SS18L1: variants seen among roughly 807,000 people sequenced by gnomAD.
SS18L1 encodes SS18L1 subunit of BAF chromatin remodeling complex.
In SS18L1, 32 loss-of-function variants were observed where a neutral mutation model predicts 70.3. That is an observed-to-expected ratio of 0.46 (90% confidence interval 0.34 to 0.61). The LOEUF (loss-of-function observed/expected upper bound fraction) is 0.61, where lower values mean the gene tolerates loss of function less well. Ranked by LOEUF, SS18L1 falls within the 20% of genes least tolerant of loss-of-function variation. The pLI is 0.01. For missense variants in SS18L1, 430 were observed against 542.1 expected (o/e 0.79, Z 2.05); for synonymous variants, 237 against 229.7 (o/e 1.03, Z -0.29).
intron 1 of SS18L1, among the ~76,000 whole-genome samples, chr20:62,157,271 G>A (rs1259511718): frequency 1.3e-5 from 2 of 152,202 alleles, no homozygotes; most frequent in Non-Finnish European, 2.9e-5. Flanking sequence ...ACTACGTGCA[G>A]GTGTGTGGAC....
chr20:62,161,344 A>C lies in SS18L1; in HGVS notation c.232-92A>C. On this transcript the variant is annotated intron_variant, in intron 3 of 10. Coordinates refer to ENST00000331758, the MANE Select transcript of SS18L1 (RefSeq NM_198935.3). The surrounding 1 kb of genome is among the most constrained non-coding windows in gnomAD (Gnocchi z 4.4). ...AGGTGGCCATGATGTGTGGCGGCAA[A>C]TCTCGGGTGCCCTCTCATCCCTGGC... 1 of 1,590,066 alleles carries C rather than the reference A, an allele frequency of 6.3e-7. No individual in the cohort carries two copies. Among genetic ancestry groups the C allele is most frequent in the Non-Finnish European group, 8.6e-7 (1 of 1,161,592 alleles).
chr20:62,178,448 T>A (rs1286429938), intron 10 of SS18L1, among the ~76,000 whole-genome samples: 2 of 152,044 alleles, frequency 1.3e-5, no homozygotes, highest in Non-Finnish European at 2.9e-5. Flanking sequence ...CCACTGTGCC[T>A]GGCCGAGGCT....
intron 8 of SS18L1, among the ~76,000 whole-genome samples, chr20:62,167,030 A>G (rs2057444428): frequency 7.2e-6 from 1 of 138,188 alleles, no homozygotes; most frequent in Non-Finnish European, 1.5e-5. Flanking sequence ...GCTTGAGCTC[A>G]GGAGTTTGTT....
At chr20:62,157,100 A>G (rs1270578548) in intron 1 of SS18L1, among the ~76,000 whole-genome samples, 2 of 151,428 alleles carry the variant, frequency 1.3e-5, no homozygotes, top group Non-Finnish European at 2.9e-5. Flanking sequence ...TGCTGCCCCC[A>G]GGTGGACACC....
intron 1 of SS18L1, chr20:62,154,484 C>T: frequency 6.8e-6 from 7 of 1,023,508 alleles, no homozygotes; most frequent in Non-Finnish European, 8.2e-6. Context: ...ATCTCTCCTC[C>T]AGAGCCTCCC....
Position 62,181,645 on chromosome 20 carries a change from A to G in SS18L1, c.*2437A>G, listed in dbSNP as rs950623960. 9.3e-6 allele frequency: 2 copies of G among 214,808 alleles called. No individual in the cohort carries two copies. The highest frequency in any genetic ancestry group is 9.4e-6 in the Non-Finnish European group (1 of 106,302). 13.3% of individuals were successfully genotyped at this position (214,808 alleles called of 1,614,324 possible). ...TTTGTACATTTATTTCCTAATTTATACATGATTTTTGGTGTTAATATATTT... is the reference window on the plus strand; with the variant it reads ...TTTGTACATTTATTTCCTAATTTATGCATGATTTTTGGTGTTAATATATTT... On this transcript the variant is annotated 3_prime_UTR_variant, in exon 11 of 11. Coordinates refer to ENST00000331758, the MANE Select transcript of SS18L1 (RefSeq NM_198935.3).
At chr20:62,176,837 T>C (rs373152821) in intron 10 of SS18L1, among the ~76,000 whole-genome samples, 9 of 152,128 alleles carry the variant, frequency 5.9e-5, no homozygotes, top group South Asian at 2.1e-4. Flanking sequence ...AGATAGAGAA[T>C]AGAATTTCAC....
intron 1 of SS18L1, among the ~76,000 whole-genome samples, chr20:62,147,287 A>G (rs1012161993): frequency 7.2e-5 from 11 of 152,268 alleles, no homozygotes; most frequent in African/African-American, 1.7e-4. Flanking sequence ...GCTCTGTGGC[A>G]AGCACCACAG....
chr20:62,158,254 T>C lies in SS18L1; in HGVS notation c.70-418T>C, dbSNP rs963056307. Among the ~76,000 whole-genome samples the C allele has an allele frequency of 6.6e-6, 1 of 151,934 alleles. No homozygotes were observed. Among genetic ancestry groups the C allele is most frequent in the Non-Finnish European group, 1.5e-5 (1 of 67,994 alleles). On this transcript the variant is annotated intron_variant, in intron 1 of 10. Coordinates refer to ENST00000331758, the MANE Select transcript of SS18L1 (RefSeq NM_198935.3). The surrounding 1 kb of genome is among the most constrained non-coding windows in gnomAD (Gnocchi z 4.5). ...GGGCACGGGGCCTCTGTGTTTTCAT[T>C]TGTGGGCTTAGATGGCCCTGCCGCT...
intron 8 of SS18L1, among the ~76,000 whole-genome samples, chr20:62,169,597 G>A (rs2057493924): frequency 6.6e-6 from 1 of 152,072 alleles, no homozygotes; most frequent in Non-Finnish European, 1.5e-5. Flanking sequence ...TGGCCACCAT[G>A]GTGAAACCCC....
At chr20:62,173,714 T>TAAA (rs2057571685) in intron 9 of SS18L1, among the ~76,000 whole-genome samples, 1 of 149,340 alleles carries the variant, frequency 6.7e-6, no homozygotes, top group Admixed American at 6.7e-5. Context: ...CCTCAAAAAA[T>TAAA]AAAAAAATAA....
intron 1 of SS18L1, among the ~76,000 whole-genome samples, chr20:62,145,829 C>T (rs1034062979): frequency 6.6e-6 from 1 of 152,106 alleles, no homozygotes; most frequent in Non-Finnish European, 1.5e-5. Context: ...TGTGAGAAGG[C>T]TGAGAAAGGT....
intron 1 of SS18L1, 54 bp downstream of exon 1, chr20:62,143,943 G>A: frequency 1.0e-6 from 1 of 970,998 alleles, no homozygotes; most frequent in East Asian, 1.1e-4. Flanking sequence ...GCGGGCGCGC[G>A]CGGGGACGGG....
rs750644405 is a variant in SS18L1, at chr20:62,158,900, T to A, written c.146+152T>A. On this transcript the variant is annotated intron_variant, in intron 2 of 10. Transcript: ENST00000331758. The surrounding 1 kb of genome is among the most constrained non-coding windows in gnomAD (Gnocchi z 4.5). ...GGCCAGATATGTCCCAGGAGTCCCC[T>A]GCACAGAGGCCAGATATGTCCCAGG... 1.3e-5 allele frequency: 20 copies of A among 1,556,330 alleles called. No individual in the cohort carries two copies. The highest frequency in any genetic ancestry group is 1.7e-4 in the Middle Eastern group (1 of 5,796).
intron 1 of SS18L1, among the ~76,000 whole-genome samples, chr20:62,153,246 T>G (rs1166945641): frequency 6.6e-6 from 1 of 152,172 alleles, no homozygotes; most frequent in Non-Finnish European, 1.5e-5. Flanking sequence ...TCCATCTAAT[T>G]TCTTCCCACT....
Position 62,161,386 on chromosome 20 carries a change from G to A in SS18L1, c.232-50G>A, listed in dbSNP as rs367602975. 38 of 1,611,864 alleles carry A rather than the reference G, an allele frequency of 2.4e-5. No individual in the cohort carries two copies. The highest frequency in any genetic ancestry group is 8.9e-5 in the East Asian group (4 of 44,828). On this transcript the variant is annotated intron_variant, in intron 3 of 10. Transcript: ENST00000331758. This position sits in a 1 kb window ranked among gnomAD's most constrained non-coding sequence, Gnocchi z 4.4. The stretch of plus-strand genomic sequence containing the variant: ...ATCCCTGGCCTGGCTTGTGGAGGTC[G>A]CTCTCCGTAAATTAACCGTTTTTCC...
Position 62,172,381 on chromosome 20 carries a change from C to T in SS18L1, c.917-301C>T, listed in dbSNP as rs73613552. Among the ~76,000 whole-genome samples the T allele has an allele frequency of 0.073, 11,070 of 151,884 alleles. 497 individuals are homozygous for T. The highest frequency in any genetic ancestry group is 0.2 in the South Asian group (946 of 4,802). ...AAGACCCTATGTCCAAATAAGGTTC[C>T]ATTCACAGGTACTTGGAGTTAGGAC... On this transcript the variant is annotated intron_variant, in intron 8 of 10. Coordinates refer to ENST00000331758, the MANE Select transcript of SS18L1 (RefSeq NM_198935.3).
intron 8 of SS18L1, among the ~76,000 whole-genome samples, chr20:62,166,255 A>G (rs1053453704): frequency 3.3e-5 from 5 of 152,240 alleles, no homozygotes; most frequent in Non-Finnish European, 7.3e-5. Flanking sequence ...GCGGGCCTGC[A>G]GTCCCTGGGG....
intron 1 of SS18L1, among the ~76,000 whole-genome samples, chr20:62,153,993 G>A (rs1001300854): frequency 6.6e-6 from 1 of 152,228 alleles, no homozygotes; most frequent in African/African-American, 2.4e-5. Flanking sequence ...GTGGACACGT[G>A]TTATTCTTGC....
Sources: gnomAD v4.1 joint callset for allele counts (sites outside exome capture counted in the v4.1 genomes callset) on GRCh38, gnomAD v4.1.1 for gene constraint, Gnocchi (gnomAD v3.1) non-coding constraint, MANE v1.5 for transcripts, NCBI Gene and HGNC (gene_info 2026-07-23, HGNC 2026-07-21) for gene names.